FLYWCH1: variants seen among roughly 807,000 people sequenced by gnomAD.
FLYWCH1 encodes FLYWCH-type zinc finger-containing protein 1.
In FLYWCH1, 75 loss-of-function variants were observed where a neutral mutation model predicts 66.4. That is an observed-to-expected ratio of 1.13 (90% CI 0.94 to 1.37). FLYWCH1 has a LOEUF of 1.37. Among genes scored for constraint, FLYWCH1 ranks in the 40% most tolerant of loss-of-function variants. The pLI is 0.00. For missense variants in FLYWCH1, 1,334 were observed against 1,001.8 expected (o/e 1.33, Z -4.48); for synonymous variants, 595 against 429.9 (o/e 1.38, Z -4.75).
At chr16:2,948,570 A>T in intron 9 of FLYWCH1, 118 bp from the exon 10 acceptor site, 2 of 1,052,820 alleles carry the variant, frequency 1.9e-6, no homozygotes, top group South Asian at 1.4e-5. Flanking sequence ...CTCAAAAATA[A>T]ATGTTCTAGA....
intron 2 of FLYWCH1, among the ~76,000 whole-genome samples, chr16:2,919,503 A>G (rs1216458271): frequency 2.0e-5 from 3 of 151,864 alleles, no homozygotes; most frequent in Non-Finnish European, 2.9e-5. Flanking sequence ...TGACCTCGTG[A>G]TCCGCCTGCC....
intron 6 of FLYWCH1, among the ~76,000 whole-genome samples, chr16:2,934,189 C>G (rs1021716975): frequency 2.6e-5 from 4 of 152,174 alleles, no homozygotes; most frequent in Admixed American, 1.3e-4. Flanking sequence ...CCAGCCTCCC[C>G]CTTCCAGCCT....
chr16:2,922,764 G>A, intron 2 of FLYWCH1: 1 of 517,112 alleles, frequency 1.9e-6, no homozygotes. Context: ...ATTGACCTGG[G>A]CCACAACCAC....
chr16:2,936,974 G>A (rs2071031106), intron 6 of FLYWCH1, 147 bp from the exon 7 acceptor site: 3 of 1,003,314 alleles, frequency 3.0e-6, no homozygotes, highest in Middle Eastern at 2.1e-4. Context: ...AGAGTTGGGG[G>A]GATGGTGGCA....
intron 9 of FLYWCH1, among the ~76,000 whole-genome samples, chr16:2,946,975 C>T (rs2071512672): frequency 6.6e-6 from 1 of 152,026 alleles, no homozygotes; most frequent in African/African-American, 2.4e-5. Context: ...ACCCTATGAC[C>T]CAGCAATTCC....
At chr16:2,939,909 T>G in intron 8 of FLYWCH1, 123 bp from the exon 9 acceptor site, 1 of 1,164,358 alleles carries the variant, frequency 8.6e-7, no homozygotes, top group Non-Finnish European at 1.2e-6. Context: ...CCAGCGTTGC[T>G]TCACCCGGTT....
chr16:2,918,968 G>A (rs1388153422), intron 2 of FLYWCH1, among the ~76,000 whole-genome samples: 2 of 151,154 alleles, frequency 1.3e-5, no homozygotes, highest in Admixed American at 6.6e-5. Context: ...TCTTTTTTGA[G>A]GCAGAGTCTC....
chr16:2,944,114 C>G (rs1381725842), intron 9 of FLYWCH1, among the ~76,000 whole-genome samples: 1 of 151,888 alleles, frequency 6.6e-6, no homozygotes, highest in African/African-American at 2.4e-5. Context: ...AAGTAGAGCA[C>G]GACAGCTCCC....
chr16:2,922,893 T>A, intron 2 of FLYWCH1: 1 of 524,128 alleles, frequency 1.9e-6, no homozygotes, highest in South Asian at 1.4e-5. Context: ...GGTGGAAAAT[T>A]GATGATCGCA....
At chr16:2,941,712 T>C (rs1428658593) in intron 9 of FLYWCH1, among the ~76,000 whole-genome samples, 10 of 149,412 alleles carry the variant, frequency 6.7e-5, no homozygotes, top group Admixed American at 3.3e-4. Context: ...CCACAAAAAA[T>C]AGAAAAACTA....
chr16:2,912,168 C>G lies in FLYWCH1; in HGVS notation c.-188+14C>G, dbSNP rs1190366923. 1 of 152,216 alleles carries G rather than the reference C, an allele frequency of 6.6e-6. No homozygotes were observed. The highest frequency in any genetic ancestry group is 2.1e-4 in the South Asian group (1 of 4,836). The allele number at this position is 152,216 out of a possible 1,614,324, so 9.4% of individuals were successfully genotyped here. Reference sequence around the variant, plus strand: ...CCGCTGCCGTCGGTGAGGACAGGCCCCTGCGGGCGGGGAATGTCCCGCGTC... The same window carrying G: ...CCGCTGCCGTCGGTGAGGACAGGCCGCTGCGGGCGGGGAATGTCCCGCGTC... On this transcript the variant is annotated intron_variant, in intron 1 of 9. Transcript: ENST00000253928.
intron 2 of FLYWCH1, among the ~76,000 whole-genome samples, chr16:2,919,446 A>C (rs1197615482): frequency 1.3e-5 from 2 of 151,694 alleles, no homozygotes; most frequent in Non-Finnish European, 2.9e-5. Flanking sequence ...TTGTATTTTT[A>C]GTAGAGACGG....
intron 9 of FLYWCH1, among the ~76,000 whole-genome samples, chr16:2,947,623 G>A (rs571800714): frequency 4.6e-5 from 7 of 152,114 alleles, no homozygotes; most frequent in South Asian, 2.1e-4. Flanking sequence ...TTAGCTGGGC[G>A]TGGTGGCACG....
chr16:2,937,759 T>G (rs191709840), intron 7 of FLYWCH1, among the ~76,000 whole-genome samples: 1 of 152,092 alleles, frequency 6.6e-6, no homozygotes, highest in Non-Finnish European at 1.5e-5. Flanking sequence ...GGGTTCTCTC[T>G]GGCCACCCCA....
chr16:2,920,989 C>A (rs573864238), intron 2 of FLYWCH1, among the ~76,000 whole-genome samples: 2 of 151,928 alleles, frequency 1.3e-5, no homozygotes, highest in African/African-American at 4.8e-5. Context: ...CTACAGGCGC[C>A]CGCCACCACG....
At chr16:2,930,934 C>A in intron 4 of FLYWCH1, 54 bp downstream of exon 4, 2 of 1,371,118 alleles carry the variant, frequency 1.5e-6, no homozygotes, top group Non-Finnish European at 2.0e-6. Context: ...GACCCGAGGG[C>A]CCTTCCTCAG....
intron 2 of FLYWCH1, among the ~76,000 whole-genome samples, chr16:2,920,670 T>C (rs1596357128): frequency 6.6e-6 from 1 of 151,432 alleles, no homozygotes; most frequent in East Asian, 1.9e-4. Context: ...GCCTCCCGAG[T>C]AGCTGGGATT....
At chr16:2,945,570 ACTGAGATCGTGGCAGT>A (rs1290509407) in intron 9 of FLYWCH1, among the ~76,000 whole-genome samples, 15 of 148,864 alleles carry the variant, frequency 1.0e-4, no homozygotes, top group Non-Finnish European at 2.1e-4. Flanking sequence ...GCTGCAGTGC[ACTGAGATCGTGGCAGT>A]GCACCGAGAT....
chr16:2,944,287 G>A (rs978281980), intron 9 of FLYWCH1, among the ~76,000 whole-genome samples: 2 of 151,800 alleles, frequency 1.3e-5, no homozygotes, highest in Non-Finnish European at 1.5e-5. Context: ...CTACTTGGGA[G>A]GCTGAGGCAG....
Sources: allele counts gnomAD v4.1 joint callset (sites outside exome capture counted in the v4.1 genomes callset), GRCh38; gene constraint gnomAD v4.1.1; transcripts MANE v1.5; gene names NCBI Gene and HGNC (gene_info 2026-07-23, HGNC 2026-07-21).